Variants in POMT1 observed in about 807,000 individuals in gnomAD.
POMT1 encodes protein O-mannosyl-transferase 1.
POMT1 carries 85 observed loss-of-function variants against 101.6 expected under a neutral mutation model. That is an observed-to-expected ratio of 0.84 (90% CI 0.70 to 1.00). POMT1 has a LOEUF of 1.00. POMT1 is among the 50% of genes least tolerant of loss of function. POMT1 has a pLI of 0.00. For synonymous variants in POMT1, 371 were observed against 383.0 expected, an observed-to-expected ratio of 0.97 and a Z score of 0.37; for missense variants, 857 against 930.4, an observed-to-expected ratio of 0.92 and a Z score of 1.03.
chr9:131,509,852 C>T (rs113752609), intron 7 of POMT1, 44 bp downstream of exon 7: 1 of 1,614,210 alleles, frequency 6.2e-7, no homozygotes, highest in Non-Finnish European at 8.5e-7. Context: ...TCCTCCATCT[C>T]CTTATGTTTT....
intron 2 of POMT1, among the ~76,000 whole-genome samples, chr9:131,504,753 G>GTA (rs764265526): frequency 7.9e-5 from 11 of 139,680 alleles, no homozygotes; most frequent in African/African-American, 3.0e-4. Flanking sequence ...ATTAATGTGT[G>GTA]TATGTGTGTG....
chr9:131,516,429 G>A (rs1037395516), intron 13 of POMT1: 5 of 160,080 alleles, frequency 3.1e-5, no homozygotes, highest in African/African-American at 7.3e-5. Flanking sequence ...TCCATCACAC[G>A]GAGCACTTGC....
At chr9:131,517,678 C>T (rs984883326) in intron 13 of POMT1, among the ~76,000 whole-genome samples, 23 of 152,238 alleles carry the variant, frequency 1.5e-4, no homozygotes, top group Non-Finnish European at 2.8e-4. Context: ...CCCGCCCCCC[C>T]ACAGTCCTTC....
intron 11 of POMT1, among the ~76,000 whole-genome samples, chr9:131,512,681 G>A (rs550165996): frequency 5.1e-4 from 78 of 151,800 alleles, no homozygotes; most frequent in African/African-American, 1.9e-3. Flanking sequence ...GTACGATCTC[G>A]GCTCACTGCA....
At chr9:131,510,852 A>C (rs1588386788) in intron 9 of POMT1, 2 of 333,360 alleles carry the variant, frequency 6.0e-6, no homozygotes, top group South Asian at 2.5e-5. Context: ...GGGCAGTTTC[A>C]CCCGCCTTAA....
chr9:131,518,575 G>A, intron 14 of POMT1, 38 bp downstream of exon 14: 1 of 1,560,712 alleles, frequency 6.4e-7, no homozygotes, highest in Non-Finnish European at 8.8e-7. Context: ...GTCCTGAGCT[G>A]TGGGCTCCAG....
chr9:131,513,217 C>G, intron 11 of POMT1, 22 bp from the exon 12 acceptor site: 15 of 1,607,018 alleles, frequency 9.3e-6, no homozygotes, highest in Non-Finnish European at 1.3e-5. Context: ...CTGTGTGGTC[C>G]CGACAGCACT....
At position 131,508,800 on chromosome 9, in the gene POMT1, C is replaced by G. The variant is rs1588363299; in HGVS notation, c.428-111C>G. On this transcript the variant is annotated intron_variant, in intron 5 of 19. Transcript: ENST00000402686. ...GAATGTTTTAACATTCACAACAGCC[C>G]CACACAGTTGTATCGCTTCTGAAGT... The G allele has an allele frequency of 6.6e-6, 5 of 761,436 alleles. No individual in the cohort carries two copies. In the East Asian group the frequency reaches 1.3e-4, roughly 20 times the overall value. The allele number at this position is 761,436 out of a possible 1,614,324, so 47.2% of individuals were successfully genotyped here. A position where few individuals can be genotyped will look rare whatever the true frequency, so the allele number is the denominator to read the frequency against.
chr9:131,513,768 G>T (rs768318782), intron 12 of POMT1, among the ~76,000 whole-genome samples: 1 of 152,310 alleles, frequency 6.6e-6, no homozygotes, highest in African/African-American at 2.4e-5. Flanking sequence ...TCAGTCCTTC[G>T]TCCTTGTCCG....
At position 131,519,431 on chromosome 9, in the gene POMT1, C is replaced by A; in HGVS notation, c.1529C>A (p.Ala510Glu). The change falls in exon 16 of 20, where the codon GCG (alanine) becomes GAG (glutamate). Residue 510 changes from alanine (A) to glutamate (E), a missense_variant. Transcript: ENST00000402686. This position sits in a 1 kb window ranked among gnomAD's most constrained non-coding sequence, Gnocchi z 4.3. ...RERERELHSP[A>E]QVDVSRNLSF... ...CGGGAACGGGAGCTGCACTCACCTG[C>A]GCAGGTGGACGTCAGCAGGAACCTC... is the stretch of plus-strand genomic sequence containing the variant. 1 of 1,551,848 alleles carries A rather than the reference C, an allele frequency of 6.4e-7. No homozygotes were observed. The highest frequency in any genetic ancestry group is 8.7e-7 in the Non-Finnish European group (1 of 1,147,202).
intron 12 of POMT1, 65 bp from the exon 13 acceptor site, chr9:131,515,361 G>A: frequency 6.6e-7 from 1 of 1,514,826 alleles, no homozygotes. Flanking sequence ...CTGCCTGAAA[G>A]ATTTAGTAAT....
chr9:131,519,611 C>G lies in POMT1; in HGVS notation c.1584+125C>G. 2 of 911,304 alleles carry G rather than the reference C, an allele frequency of 2.2e-6. No homozygotes were observed. Among genetic ancestry groups the G allele is most frequent in the Non-Finnish European group, 3.4e-6 (2 of 579,716 alleles). The allele number at this position is 911,304 out of a possible 1,614,324, so 56.5% of individuals were successfully genotyped here. A position where few individuals can be genotyped will look rare whatever the true frequency, so the allele number is the denominator to read the frequency against. Reference sequence around the variant, plus strand: ...TGACGCTGGAGCTACAGGCTCACAACAGAATGAGTGTCTCCTCTCTCCAGT... The same window carrying G: ...TGACGCTGGAGCTACAGGCTCACAAGAGAATGAGTGTCTCCTCTCTCCAGT... On this transcript the variant is annotated intron_variant, in intron 16 of 19. Coordinates refer to ENST00000402686, the MANE Select transcript of POMT1 (RefSeq NM_001077365.2). This position sits in a 1 kb window ranked among gnomAD's most constrained non-coding sequence, Gnocchi z 4.3.
chr9:131,507,448 C>T lies in POMT1; in HGVS notation c.361C>T (p.Gln121Ter). 1 of 1,614,188 alleles carries T rather than the reference C, an allele frequency of 6.2e-7. No homozygotes were observed. The highest frequency in any genetic ancestry group is 1.7e-5 in the Admixed American group (1 of 60,022). The part of the protein sequence containing the change: ...AGALSVPMAY[Q>*]IVLELHFSHC... ...GGCCTTGTCGGTCCCCATGGCCTAC[C>T]AGATAGTGTTGGAGCTCCACTTTTC... The change falls in exon 5 of 20, where the codon CAG (glutamine) becomes TAG (stop). Residue 121 changes from glutamine to a stop codon, truncating the protein, a stop_gained. Coordinates refer to ENST00000402686, the MANE Select transcript of POMT1 (RefSeq NM_001077365.2). LOFTEE classifies it high-confidence loss of function.
At chr9:131,511,249 C>A in intron 9 of POMT1, 88 bp from the exon 10 acceptor site, 3 of 1,412,356 alleles carry the variant, frequency 2.1e-6, no homozygotes, top group South Asian at 2.6e-5. Context: ...AAACATCACC[C>A]CAGAGGGAGG....
chr9:131,523,143 G>A lies in POMT1; in HGVS notation c.*37G>A, dbSNP rs201474628. 102 of 1,601,792 alleles carry A rather than the reference G, an allele frequency of 6.4e-5. 1 individual carries two copies. In the Admixed American group the frequency reaches 1.3e-3, roughly 21 times the overall value. ...GGCAAAGAACACCCGTGCTGGGGTC[G>A]GGATGAGGTTGAAGGGTCTTGGTCA... On this transcript the variant is annotated 3_prime_UTR_variant, in exon 20 of 20. Transcript: ENST00000402686.
At chr9:131,511,903 G>A (rs1947192342) in intron 10 of POMT1, 138 bp from the exon 11 acceptor site, 1 of 806,516 alleles carries the variant, frequency 1.2e-6, no homozygotes, top group Non-Finnish European at 2.1e-6. Flanking sequence ...TAGACACAGG[G>A]TCTCACTATG....
intron 6 of POMT1, among the ~76,000 whole-genome samples, chr9:131,509,269 G>A (rs578189718): frequency 1.3e-5 from 2 of 152,274 alleles, no homozygotes; most frequent in Admixed American, 6.5e-5. Context: ...TCCAGCCTCA[G>A]TCTCCCGAGT....
chr9:131,517,146 A>C (rs1186597232), intron 13 of POMT1, among the ~76,000 whole-genome samples: 11 of 151,962 alleles, frequency 7.2e-5, no homozygotes, highest in Admixed American at 5.9e-4. Context: ...CTTTCTGCCT[A>C]CGCAGGCTCA....
chr9:131,517,906 C>T (rs1949063381), intron 13 of POMT1, among the ~76,000 whole-genome samples: 2 of 152,248 alleles, frequency 1.3e-5, no homozygotes. Flanking sequence ...CTGGTTGTGA[C>T]AGTATGGGAA....
Sources: gnomAD v4.1 joint callset for allele counts (sites outside exome capture counted in the v4.1 genomes callset) on GRCh38, gnomAD v4.1.1 for gene constraint, Gnocchi (gnomAD v3.1) non-coding constraint, MANE v1.5 for transcripts, NCBI Gene and HGNC (gene_info 2026-07-23, HGNC 2026-07-21) for gene names.